SCN11A: variants seen among roughly 807,000 people sequenced by gnomAD.
The protein encoded by SCN11A is sodium voltage-gated channel alpha subunit 11, also known as sodium channel protein type 11 subunit alpha.
SCN11A carries 122 observed loss-of-function variants against 162.2 expected under a neutral mutation model. That is an observed-to-expected ratio of 0.75 (90% CI 0.65 to 0.87). The LOEUF (loss-of-function observed/expected upper bound fraction) is 0.87, where lower values mean the gene tolerates loss of function less well. SCN11A is among the 40% of genes least tolerant of loss of function. The probability of loss-of-function intolerance (pLI) is 0.00; values close to 1 mark genes in which losing one functional copy is unlikely to be tolerated. For synonymous variants in SCN11A, 758 were observed against 751.5 expected (o/e 1.01, Z -0.14); for missense variants, 2,015 against 2,181.6 (o/e 0.92, Z 1.52).
At chr3:38,999,278 A>G (rs1383597685) in intron 2 of SCN11A, among the ~76,000 whole-genome samples, 1 of 152,194 alleles carries the variant, frequency 6.6e-6, no homozygotes, top group Non-Finnish European at 1.5e-5. Context: ...CTATAGACGA[A>G]TTCTTAGGAC....
chr3:39,002,247 T>C (rs889348689), intron 2 of SCN11A, among the ~76,000 whole-genome samples: 2 of 152,178 alleles, frequency 1.3e-5, no homozygotes, highest in Non-Finnish European at 2.9e-5. Flanking sequence ...ATTCCTAACC[T>C]GAAAAGTTCA....
chr3:38,879,820 A>T, intron 23 of SCN11A, 130 bp downstream of exon 23: 1 of 676,356 alleles, frequency 1.5e-6, no homozygotes. Context: ...TACTGTGAAG[A>T]GGCAATGATA....
chr3:38,960,548 T>A (rs559253766), intron 2 of SCN11A, among the ~76,000 whole-genome samples, 125 bp from the exon 3 acceptor site: 5 of 152,346 alleles, frequency 3.3e-5, no homozygotes, highest in African/African-American at 1.2e-4. Flanking sequence ...TTTGGAAGCA[T>A]CTGCCTTTAA....
chr3:38,956,633 A>G (rs1426518020), intron 3 of SCN11A, among the ~76,000 whole-genome samples: 1 of 152,170 alleles, frequency 6.6e-6, no homozygotes, highest in African/African-American at 2.4e-5. Flanking sequence ...AATATAGTAC[A>G]GTTCTTGGTT....
In SCN11A at chr3:38,894,566, T is replaced by C. The variant is rs749025712; in HGVS notation, c.2802A>G (p.Ala934=). 168 of 1,613,112 alleles carry C rather than the reference T, an allele frequency of 1.0e-4. 1 individual carries two copies. The South Asian group carries it at 1.8e-3, about 17-fold the overall frequency. ...DDVEFSGEDN[A]QRITQPEPEQ... ...CAGGCTCAGGTTGTGTGATGCGCTG[T>C]GCATTATCTTCACCAGAAAATTCAA... The change falls in exon 19 of 30, where the codon GCA becomes GCG. Residue 934 remains alanine, a synonymous_variant. Coordinates refer to ENST00000302328, the MANE Select transcript of SCN11A (RefSeq NM_001349253.2).
intron 28 of SCN11A, among the ~76,000 whole-genome samples, chr3:38,853,754 T>G (rs1323541338): frequency 1.3e-5 from 2 of 152,224 alleles, no homozygotes; most frequent in African/African-American, 4.8e-5. Context: ...CAAGCCCTTC[T>G]TTCATCCTGC....
At chr3:38,861,060 A>G (rs1386134832) in intron 28 of SCN11A, among the ~76,000 whole-genome samples, 1 of 152,228 alleles carries the variant, frequency 6.6e-6, no homozygotes, top group Non-Finnish European at 1.5e-5. Context: ...ATACAAAATC[A>G]ATGTACATAA....
At chr3:38,922,378 C>T (rs2066067618) in intron 9 of SCN11A, among the ~76,000 whole-genome samples, 1 of 152,180 alleles carries the variant, frequency 6.6e-6, no homozygotes, top group Non-Finnish European at 1.5e-5. Flanking sequence ...AGAGGCTTCT[C>T]CAAAGCAAGA....
chr3:39,043,564 A>C (rs879873492), intron 1 of SCN11A, among the ~76,000 whole-genome samples: 14 of 152,006 alleles, frequency 9.2e-5, no homozygotes, highest in Admixed American at 9.2e-4. Flanking sequence ...AAGCGAAATA[A>C]GCCAGGCACA....
At chr3:38,993,180 C>A (rs2030506647) in intron 2 of SCN11A, among the ~76,000 whole-genome samples, 1 of 152,240 alleles carries the variant, frequency 6.6e-6, no homozygotes. Context: ...CACCTGGACT[C>A]CTCTGGGGTG....
intron 19 of SCN11A, 61 bp from the exon 20 acceptor site, chr3:38,886,299 A>G (rs2065399894): frequency 1.8e-6 from 2 of 1,109,940 alleles, no homozygotes; most frequent in African/African-American, 1.5e-5. Context: ...TTAAGATGAA[A>G]GAAGTTTGAA....
chr3:39,030,584 A>G (rs1230428310), intron 2 of SCN11A, among the ~76,000 whole-genome samples: 2 of 152,142 alleles, frequency 1.3e-5, no homozygotes, highest in Non-Finnish European at 2.9e-5. Flanking sequence ...GCTGGCCAAG[A>G]GCTTGAAATT....
rs772422284 is a variant in SCN11A at position 38,872,289 on chromosome 3, A to G, written c.3399T>C (p.Ser1133=). The G allele has an allele frequency of 1.9e-6, 3 of 1,579,694 alleles. No homozygotes were observed. The highest frequency in any genetic ancestry group is 3.3e-5 in the Admixed American group (2 of 59,890). Residue 1133 remains serine (S), a synonymous_variant, in exon 24 of 30, where the codon TCT becomes TCC. Transcript: ENST00000302328. ...CCLDFIIVIV[S]VTTLINLMEL... The stretch of plus-strand genomic sequence containing the variant: ...CCATTAAGTTAATGAGGGTGGTCAC[A>G]GAGACCTGATGGGAAGAGAGGCCAC...
chr3:38,848,608 T>C (rs1052024939), intron 29 of SCN11A, among the ~76,000 whole-genome samples: 1 of 152,194 alleles, frequency 6.6e-6, no homozygotes, highest in Non-Finnish European at 1.5e-5. Context: ...CCTGGAAAGA[T>C]GTAAAGTTTC....
At chr3:38,875,809 C>T (rs2065198088) in intron 23 of SCN11A, among the ~76,000 whole-genome samples, 1 of 151,972 alleles carries the variant, frequency 6.6e-6, no homozygotes, top group African/African-American at 2.4e-5. Flanking sequence ...AAATTCAATG[C>T]AATTCCCATC....
At chr3:38,974,431 C>T (rs1423170311) in intron 2 of SCN11A, among the ~76,000 whole-genome samples, 1 of 152,026 alleles carries the variant, frequency 6.6e-6, no homozygotes, top group Non-Finnish European at 1.5e-5. Flanking sequence ...CGCAGTGGCT[C>T]ATGCCTATAA....
intron 20 of SCN11A, 68 bp from the exon 21 acceptor site, chr3:38,885,470 G>C (rs904725959): frequency 1.2e-6 from 1 of 845,254 alleles, no homozygotes; most frequent in South Asian, 1.5e-5. Flanking sequence ...GTAGTACGGA[G>C]TTTCTCATTG....
chr3:38,880,757 A>G (rs1238848409), intron 22 of SCN11A, among the ~76,000 whole-genome samples: 1 of 152,204 alleles, frequency 6.6e-6, no homozygotes, highest in African/African-American at 2.4e-5. Flanking sequence ...AAACATTGTT[A>G]TTTGTAATTA....
At chr3:38,932,540 G>A (rs1469445396) in intron 7 of SCN11A, among the ~76,000 whole-genome samples, 1 of 152,192 alleles carries the variant, frequency 6.6e-6, no homozygotes, top group African/African-American at 2.4e-5. Context: ...TTTCCGACGG[G>A]CTTAAAAAAT....
Sources: gnomAD v4.1 joint callset for allele counts (sites outside exome capture counted in the v4.1 genomes callset) on GRCh38, gnomAD v4.1.1 for gene constraint, MANE v1.5 for transcripts, NCBI Gene and HGNC (gene_info 2026-07-23, HGNC 2026-07-21) for gene names.